The following PTGIS variants were observed in gnomAD, a reference collection of about 807,000 sequenced individuals.
PTGIS encodes prostacyclin synthase.
PTGIS carries 45 observed loss-of-function variants against 50.3 expected under a neutral mutation model. The observed-to-expected ratio is 0.90, with a 90% CI of 0.70 to 1.15. PTGIS has a LOEUF of 1.15. Ranked by LOEUF, PTGIS falls within the 50% of genes most tolerant of loss-of-function variation. The pLI, the probability that PTGIS is intolerant of heterozygous loss-of-function variation, is 0.00. For synonymous variants in PTGIS, 260 were observed against 267.7 expected, an observed-to-expected ratio of 0.97 and a Z score of 0.28; for missense variants, 668 against 661.3, an observed-to-expected ratio of 1.01 and a Z score of -0.11.
At position 49,506,952 on chromosome 20, in the gene PTGIS, T is replaced by TA. The variant is rs888746856; in HGVS notation, c.*967dup. On this transcript the variant is annotated 3_prime_UTR_variant, in exon 10 of 10. Coordinates refer to ENST00000244043, the MANE Select transcript of PTGIS (RefSeq NM_000961.4). Reference sequence around the variant, plus strand: ...GGAATGTGAGCCCAGTGTGGCCAGATATACCAAGTTTTCAAGAGAAGCTGG... The same window carrying TA: ...GGAATGTGAGCCCAGTGTGGCCAGATAATACCAAGTTTTCAAGAGAAGCTGG... 6.6e-6 allele frequency: 1 copy of TA among 152,142 alleles called. No individual in the cohort carries two copies. The highest frequency in any genetic ancestry group is 2.4e-5 in the African/African-American group (1 of 41,408). The allele number at this position is 152,142 out of a possible 1,614,324, so 9.4% of individuals were successfully genotyped here.
intron 5 of PTGIS, among the ~76,000 whole-genome samples, chr20:49,530,499 C>T (rs1981909154): frequency 6.6e-6 from 1 of 152,170 alleles, no homozygotes; most frequent in Non-Finnish European, 1.5e-5. Flanking sequence ...TAGGAACCTC[C>T]ATACTGTTCT....
chr20:49,557,345 C>T (rs1389457895), intron 1 of PTGIS, among the ~76,000 whole-genome samples: 1 of 152,056 alleles, frequency 6.6e-6, no homozygotes, highest in Non-Finnish European at 1.5e-5. Context: ...AATCCCAGCA[C>T]TTTGGGAGGC....
intron 1 of PTGIS, among the ~76,000 whole-genome samples, chr20:49,554,588 T>G (rs1262820174): frequency 1.3e-5 from 2 of 152,136 alleles, no homozygotes; most frequent in Non-Finnish European, 2.9e-5. Context: ...TTGTGAGACA[T>G]GGAGCCAGAA....
intron 4 of PTGIS, among the ~76,000 whole-genome samples, chr20:49,542,919 C>G (rs117286837): frequency 6.6e-6 from 1 of 151,920 alleles, no homozygotes. Context: ...CCTCCTAGAG[C>G]GATTGTGAGC....
chr20:49,515,332 G>A (rs1434362180), intron 6 of PTGIS, among the ~76,000 whole-genome samples: 6 of 152,148 alleles, frequency 3.9e-5, no homozygotes, highest in Non-Finnish European at 7.4e-5. Flanking sequence ...TTAGGAAAAC[G>A]AGTGGAATTT....
At chr20:49,558,313 T>C (rs1982672382) in intron 1 of PTGIS, among the ~76,000 whole-genome samples, 1 of 152,130 alleles carries the variant, frequency 6.6e-6, no homozygotes, top group Non-Finnish European at 1.5e-5. Context: ...CACTTGAGCC[T>C]GGGAGGTGGA....
At chr20:49,529,745 T>C (rs548170775) in intron 5 of PTGIS, among the ~76,000 whole-genome samples, 76 of 152,344 alleles carry the variant, frequency 5.0e-4, no homozygotes, top group Non-Finnish European at 9.0e-4. Flanking sequence ...TCAACTGTCA[T>C]GGTATGGTAG....
chr20:49,517,142 C>T (rs981954027), intron 6 of PTGIS, among the ~76,000 whole-genome samples: 4 of 152,188 alleles, frequency 2.6e-5, no homozygotes, highest in Non-Finnish European at 5.9e-5. Context: ...GAAAACAAGT[C>T]GGGGGGGCCT....
chr20:49,519,497 C>A (rs1487182225), intron 6 of PTGIS, among the ~76,000 whole-genome samples: 1 of 151,960 alleles, frequency 6.6e-6, no homozygotes, highest in Non-Finnish European at 1.5e-5. Flanking sequence ...CTTCCTGGCC[C>A]CTCCTCCTCA....
chr20:49,542,846 A>C (rs922468942), intron 4 of PTGIS, among the ~76,000 whole-genome samples: 1 of 152,138 alleles, frequency 6.6e-6, no homozygotes, highest in Non-Finnish European at 1.5e-5. Context: ...CCTCTGGGCA[A>C]ATGACTCAGG....
chr20:49,532,729 G>A (rs960660813), intron 5 of PTGIS, among the ~76,000 whole-genome samples: 2 of 152,160 alleles, frequency 1.3e-5, no homozygotes, highest in African/African-American at 4.8e-5. Context: ...AAAGTTTGAA[G>A]ACAGAGAGCA....
At chr20:49,545,114 A>C (rs772451663) in intron 3 of PTGIS, among the ~76,000 whole-genome samples, 17 of 151,876 alleles carry the variant, frequency 1.1e-4, no homozygotes, top group Non-Finnish European at 2.1e-4. Context: ...TCAACAAAAA[A>C]TAAAATATTA....
intron 5 of PTGIS, among the ~76,000 whole-genome samples, chr20:49,533,417 C>T (rs569679776): frequency 6.6e-6 from 1 of 152,240 alleles, no homozygotes; most frequent in East Asian, 1.9e-4. Context: ...GTTTAACTGT[C>T]CCCTGCCCCC....
rs981854086 is a variant in PTGIS, at chr20:49,563,281, G to C, written c.74+4762C>G. ...CCAGGGCTCACCCACAGGCCTCCAG[G>C]GTTTTCAGTCTGCCATTAACAGGGT... On this transcript the variant is annotated intron_variant, in intron 1 of 9. Coordinates refer to ENST00000244043, the MANE Select transcript of PTGIS (RefSeq NM_000961.4). Among the ~76,000 whole-genome samples the C allele has an allele frequency of 7.9e-5, 12 of 152,252 alleles. No homozygotes were observed. The East Asian group carries it at 2.3e-3, about 29-fold the overall frequency.
At position 49,514,413 on chromosome 20, in the gene PTGIS, CCT is replaced by C. The variant is rs747578715; in HGVS notation, c.856-20_856-19del. 26 of 1,611,956 alleles carry C rather than the reference CCT, an allele frequency of 1.6e-5. No homozygotes were observed. The highest frequency in any genetic ancestry group is 2.2e-5 in the Non-Finnish European group (26 of 1,179,744). On this transcript the variant is annotated intron_variant, in intron 6 of 9. Coordinates refer to ENST00000244043, the MANE Select transcript of PTGIS (RefSeq NM_000961.4). The stretch of plus-strand genomic sequence containing the variant: ...ATATTCCCCTGCAAGGAGAAGGGCC[CCT>C]GTTATGCCATTATGAGGGCAGAGCT...
At chr20:49,544,538 G>A in intron 3 of PTGIS, 90 bp from the exon 4 acceptor site, 1 of 1,467,458 alleles carries the variant, frequency 6.8e-7, no homozygotes, top group Non-Finnish European at 9.5e-7. Flanking sequence ...AAGGGTCCCA[G>A]AGCTCAAGCT....
chr20:49,561,789 C>T (rs1982783923), intron 1 of PTGIS, among the ~76,000 whole-genome samples: 1 of 152,188 alleles, frequency 6.6e-6, no homozygotes, highest in African/African-American at 2.4e-5. Flanking sequence ...AGGGGAGTTA[C>T]AGAGCACCTG....
chr20:49,521,966 C>T (rs1981663350), intron 6 of PTGIS, among the ~76,000 whole-genome samples: 1 of 152,114 alleles, frequency 6.6e-6, no homozygotes, highest in African/African-American at 2.4e-5. Flanking sequence ...CCTGACCCTG[C>T]CACCACAGTT....
At chr20:49,521,331 G>A (rs1180775381) in intron 6 of PTGIS, among the ~76,000 whole-genome samples, 1 of 152,152 alleles carries the variant, frequency 6.6e-6, no homozygotes, top group Non-Finnish European at 1.5e-5. Context: ...GAAACTCCTA[G>A]GCCAAGTACC....
Sources: gnomAD v4.1 joint callset for allele counts (sites outside exome capture counted in the v4.1 genomes callset) on GRCh38, gnomAD v4.1.1 for gene constraint, MANE v1.5 for transcripts, NCBI Gene and HGNC (gene_info 2026-07-23, HGNC 2026-07-21) for gene names.